TPTE2: variants seen among roughly 807,000 people sequenced by gnomAD.
The protein encoded by TPTE2 is transmembrane phosphoinositide 3-phosphatase and tensin homolog 2, also known as phosphatidylinositol 3,4,5-trisphosphate 3-phosphatase TPTE2.
TPTE2 carries 53 observed loss-of-function variants against 78.6 expected under a neutral mutation model. The observed-to-expected ratio is 0.67, with a 90% CI of 0.54 to 0.85. The LOEUF is 0.85. TPTE2 is among the 40% of genes least tolerant of loss of function. TPTE2 has a pLI of 0.00. For synonymous variants in TPTE2, 175 were observed against 206.2 expected (o/e 0.85, Z 1.30); for missense variants, 461 against 623.0 (o/e 0.74, Z 2.77).
chr13:19,497,071 C>T (rs1052979145), intron 1 of TPTE2, among the ~76,000 whole-genome samples: 1 of 152,100 alleles, frequency 6.6e-6, no homozygotes, highest in African/African-American at 2.4e-5. Context: ...CACTCCCACC[C>T]GAATATTGCG....
chr13:19,513,133 C>A (rs2497181), intron 1 of TPTE2, among the ~76,000 whole-genome samples: 149,782 of 152,332 alleles, frequency 0.98, 73,688 homozygotes, highest in Middle Eastern at 1. Context: ...GTATAACACA[C>A]ACAGCATCGG....
chr13:19,505,283 G>A (rs1285469190), upstream of TPTE2, among the ~76,000 whole-genome samples: 2 of 152,056 alleles, frequency 1.3e-5, no homozygotes, highest in Non-Finnish European at 2.9e-5. Context: ...TGGGATTACA[G>A]GCATGCACCA....
rs1593373069 is a variant in TPTE2 at position 19,464,372 on chromosome 13, G to A, written c.741+84C>T. 1.4e-5 allele frequency: 18 copies of A among 1,288,298 alleles called. No individual in the cohort carries two copies. The East Asian group carries it at 4.0e-4, about 28-fold the overall frequency. 79.8% of individuals were successfully genotyped at this position (1,288,298 alleles called of 1,614,324 possible). A position where few individuals can be genotyped will look rare whatever the true frequency, so the allele number is the denominator to read the frequency against. On this transcript the variant is annotated intron_variant, in intron 10 of 19. Transcript: ENST00000400230. Reference sequence around the variant, plus strand: ...AAGAGTACATTTTTAAAAGAATACTGCCATATCTGGGTCAATATTAAACTT... The same window carrying A: ...AAGAGTACATTTTTAAAAGAATACTACCATATCTGGGTCAATATTAAACTT...
At chr13:19,482,528 T>C in exon 4 of TPTE2, 1 of 1,612,694 alleles carries the variant, frequency 6.2e-7, no homozygotes, top group Non-Finnish European at 8.5e-7. Context: ...ACTTCAAACT[T>C]GGAAAGTCGT....
At chr13:19,471,280 T>G (rs73164659) in intron 6 of TPTE2, among the ~76,000 whole-genome samples, 9,999 of 152,298 alleles carry the variant, frequency 0.066, 459 homozygotes, top group Middle Eastern at 0.19. Flanking sequence ...CACTCAGTGT[T>G]ATCATTGATA....
the TPTE2 span, among the ~76,000 whole-genome samples, chr13:19,549,254 A>G: frequency 3.9e-5 from 6 of 152,184 alleles, no homozygotes; most frequent in African/African-American, 1.4e-4. Context: ...TCTGCAAACT[A>G]TGCAACCAAC....
chr13:19,550,801 TTA>T, the TPTE2 span, among the ~76,000 whole-genome samples: 1 of 151,956 alleles, frequency 6.6e-6, no homozygotes, highest in South Asian at 2.1e-4. Context: ...ATTTATTTAT[TTA>T]TTTTTTTCTT....
chr13:19,475,472 C>G, intron 5 of TPTE2, 101 bp downstream of exon 8: 2 of 1,348,434 alleles, frequency 1.5e-6, no homozygotes, highest in Non-Finnish European at 2.0e-6. Context: ...GTGATCTGCC[C>G]GCCTCAGCCC....
intron 3 of TPTE2, among the ~76,000 whole-genome samples, chr13:19,489,266 G>C (rs76521114): frequency 0.011 from 1,668 of 152,210 alleles, 30 homozygotes; most frequent in African/African-American, 0.038. Context: ...GAGACACAAG[G>C]TGAGAACATG....
chr13:19,513,490 A>G (rs1566072849), intron 1 of TPTE2, among the ~76,000 whole-genome samples: 1 of 152,164 alleles, frequency 6.6e-6, no homozygotes, highest in Admixed American at 6.5e-5. Flanking sequence ...TCCAGCACAG[A>G]TTTCTGATGT....
At chr13:19,458,792 A>G (rs1457015262) in intron 10 of TPTE2, 3 of 359,170 alleles carry the variant, frequency 8.4e-6, no homozygotes, top group Admixed American at 3.2e-5. Flanking sequence ...TCTATGTACC[A>G]TATTTTCTTT....
chr13:19,544,942 A>T, the TPTE2 span, among the ~76,000 whole-genome samples: 2 of 107,668 alleles, frequency 1.9e-5, no homozygotes, highest in South Asian at 2.7e-4. Flanking sequence ...ACTCACACAC[A>T]CACACACACA....
chr13:19,545,062 GA>G, the TPTE2 span, among the ~76,000 whole-genome samples: 2 of 151,766 alleles, frequency 1.3e-5, no homozygotes, highest in African/African-American at 4.8e-5. Context: ...CAACTGGCCA[GA>G]AAAGAGGAAA....
At chr13:19,561,152 G>A in the TPTE2 span, 11 of 1,594,700 alleles carry the variant, frequency 6.9e-6, no homozygotes, top group Non-Finnish European at 9.4e-6. Context: ...AGGGGCCAGG[G>A]CCACAGGAGG....
intron 7 of TPTE2, among the ~76,000 whole-genome samples, chr13:19,466,108 C>A (rs2137568775): frequency 6.6e-6 from 1 of 152,276 alleles, no homozygotes; most frequent in Middle Eastern, 3.4e-3. Context: ...GCTGGTATCT[C>A]TCCTGCCATC....
chr13:19,526,197 A>T (rs1462195759), intron 1 of TPTE2, among the ~76,000 whole-genome samples: 12 of 152,210 alleles, frequency 7.9e-5, no homozygotes, highest in Admixed American at 6.5e-4. Context: ...TACCCACAGG[A>T]ATATAAATAT....
At chr13:19,429,871 C>G (rs1263650018) in intron 17 of TPTE2, among the ~76,000 whole-genome samples, 1 of 152,044 alleles carries the variant, frequency 6.6e-6, no homozygotes, top group Non-Finnish European at 1.5e-5. Context: ...CTACCAGGTC[C>G]CTTTTGCTTT....
At chr13:19,471,890 T>A (rs952231898) in intron 6 of TPTE2, among the ~76,000 whole-genome samples, 2 of 152,168 alleles carry the variant, frequency 1.3e-5, no homozygotes, top group African/African-American at 4.8e-5. Flanking sequence ...AGCTTTTGTG[T>A]GGAAAAGTCT....
chr13:19,487,720 G>A (rs1224211222), intron 3 of TPTE2, among the ~76,000 whole-genome samples: 2 of 152,132 alleles, frequency 1.3e-5, no homozygotes, highest in Admixed American at 1.3e-4. Flanking sequence ...CTCCAGTGCT[G>A]GAGAGGCACA....
Sources: gnomAD v4.1 joint callset for allele counts (sites outside exome capture counted in the v4.1 genomes callset) on GRCh38, gnomAD v4.1.1 for gene constraint, MANE v1.5 for transcripts, NCBI Gene and HGNC (gene_info 2026-07-23, HGNC 2026-07-21) for gene names.